CYTH3: variants seen among roughly 807,000 people sequenced by gnomAD.
The protein encoded by CYTH3 is cytohesin 3, also known as cytohesin-3.
In CYTH3, 23 loss-of-function variants were observed where a neutral mutation model predicts 55.1. The observed-to-expected ratio is 0.42, with a 90% CI of 0.30 to 0.59. The LOEUF is 0.59. Ranked by LOEUF, CYTH3 falls within the 20% of genes least tolerant of loss-of-function variation. CYTH3 has a pLI of 0.20. For synonymous variants in CYTH3, 249 were observed against 194.9 expected (o/e 1.28, Z -2.31); for missense variants, 413 against 524.8 (o/e 0.79, Z 2.08).
At chr7:6,259,180 G>C (rs1472809017) in intron 1 of CYTH3, among the ~76,000 whole-genome samples, 1 of 152,150 alleles carries the variant, frequency 6.6e-6, no homozygotes. Context: ...CAAACATCTG[G>C]ATGAAAACTT....
intron 1 of CYTH3, among the ~76,000 whole-genome samples, chr7:6,214,424 G>A (rs1264223972): frequency 6.6e-6 from 1 of 152,088 alleles, no homozygotes; most frequent in East Asian, 1.9e-4. Context: ...TTGTGTATAA[G>A]GAATGCTTTA....
At chr7:6,235,550 T>A (rs1384101428) in intron 1 of CYTH3, among the ~76,000 whole-genome samples, 1 of 151,356 alleles carries the variant, frequency 6.6e-6, no homozygotes, top group East Asian at 1.9e-4. Context: ...CACAGCATCC[T>A]CACGAAGCTC....
At chr7:6,175,427 T>A (rs1458554626) in intron 5 of CYTH3, among the ~76,000 whole-genome samples, 5 of 152,212 alleles carry the variant, frequency 3.3e-5, no homozygotes, top group East Asian at 1.9e-4. Context: ...TGGTACCTGG[T>A]TGAAAAATTA....
At chr7:6,262,448 C>T (rs138454573) in intron 1 of CYTH3, among the ~76,000 whole-genome samples, 37 of 152,282 alleles carry the variant, frequency 2.4e-4, no homozygotes, top group African/African-American at 8.9e-4. Flanking sequence ...CCAAAGAGAA[C>T]ATCTTAAAAG....
At chr7:6,216,401 C>G (rs1048005747) in intron 1 of CYTH3, among the ~76,000 whole-genome samples, 1 of 151,834 alleles carries the variant, frequency 6.6e-6, no homozygotes, top group Admixed American at 6.6e-5. Flanking sequence ...AAACATACAC[C>G]TAGAGCAACC....
intron 1 of CYTH3, among the ~76,000 whole-genome samples, chr7:6,205,876 A>T (rs1038953205): frequency 1.4e-5 from 1 of 69,524 alleles, no homozygotes; most frequent in Admixed American, 1.6e-4. Flanking sequence ...CCTATCTCTT[A>T]AAAAAAAAAA....
chr7:6,251,078 C>T (rs1195254203), intron 1 of CYTH3, among the ~76,000 whole-genome samples: 1 of 152,154 alleles, frequency 6.6e-6, no homozygotes, highest in Non-Finnish European at 1.5e-5. Flanking sequence ...AGTTCAAGAC[C>T]AGCCTGGCCA....
At chr7:6,218,187 G>C (rs1400387787) in intron 1 of CYTH3, among the ~76,000 whole-genome samples, 2 of 152,038 alleles carry the variant, frequency 1.3e-5, no homozygotes, top group Non-Finnish European at 1.5e-5. Flanking sequence ...AAAAAGAAAA[G>C]AAAAAGCATC....
chr7:6,246,982 A>T (rs1027708955), intron 1 of CYTH3, among the ~76,000 whole-genome samples: 1 of 152,182 alleles, frequency 6.6e-6, no homozygotes, highest in African/African-American at 2.4e-5. Context: ...GTTTAAGAAA[A>T]ATTTACAGAA....
At chr7:6,172,842 C>A in intron 6 of CYTH3, 1 of 1,278,406 alleles carries the variant, frequency 7.8e-7, no homozygotes, top group Non-Finnish European at 1.0e-6. Flanking sequence ...CTGTTCAGCC[C>A]CAGGCTGCGC....
intron 1 of CYTH3, among the ~76,000 whole-genome samples, chr7:6,239,571 A>G (rs1779619678): frequency 6.6e-6 from 1 of 152,244 alleles, no homozygotes; most frequent in Admixed American, 6.5e-5. Flanking sequence ...AAAAGAGGAG[A>G]TAAAACCATC....
intron 1 of CYTH3, among the ~76,000 whole-genome samples, chr7:6,259,799 A>ATATATATATATAT (rs1780282840): frequency 8.0e-5 from 2 of 24,978 alleles, no homozygotes; most frequent in Admixed American, 6.8e-4. Flanking sequence ...ATATATATAT[A>ATATATATATATAT]TATATATATA....
chr7:6,168,777 T>A (rs981909221), intron 9 of CYTH3, among the ~76,000 whole-genome samples: 1 of 152,244 alleles, frequency 6.6e-6, no homozygotes, highest in African/African-American at 2.4e-5. Flanking sequence ...ATTCACACAC[T>A]TACGTCTCTA....
Position 6,165,143 on chromosome 7 carries a change from C to T in CYTH3, c.1128-127G>A, listed in dbSNP as rs1782951284. On this transcript the variant is annotated intron_variant, in intron 12 of 12. Coordinates refer to ENST00000350796, the MANE Select transcript of CYTH3 (RefSeq NM_004227.4). ...GATCTGAACGTCGGCTTTGGCAGCC[C>T]GGCCCTCTGGGGTTTCTGGAGACAG... 1.3e-5 allele frequency: 21 copies of T among 1,557,928 alleles called. No individual in the cohort carries two copies. The Middle Eastern group carries it at 7.4e-4, about 55-fold the overall frequency.
intron 1 of CYTH3, among the ~76,000 whole-genome samples, chr7:6,267,079 C>T (rs1035899560): frequency 1.3e-5 from 2 of 152,192 alleles, no homozygotes; most frequent in Admixed American, 1.3e-4. Flanking sequence ...GGCGTGGCAT[C>T]TCTTCCCTCT....
chr7:6,205,239 T>A (rs1389566570), intron 1 of CYTH3, among the ~76,000 whole-genome samples: 1 of 152,018 alleles, frequency 6.6e-6, no homozygotes, highest in Non-Finnish European at 1.5e-5. Flanking sequence ...CAATTCTAAA[T>A]AAATCATTGG....
intron 1 of CYTH3, among the ~76,000 whole-genome samples, chr7:6,223,972 C>A (rs1409122397): frequency 6.6e-6 from 1 of 150,584 alleles, no homozygotes; most frequent in African/African-American, 2.4e-5. Context: ...GATGCTAATA[C>A]TGTCTTTTCT....
intron 1 of CYTH3, 102 bp downstream of exon 1, chr7:6,272,371 CG>C: frequency 8.9e-7 from 1 of 1,120,966 alleles, no homozygotes; most frequent in Non-Finnish European, 1.1e-6. Context: ...CCCCCGACCC[CG>C]TCTCCTCCGG....
rs1014210767 is a variant in CYTH3, at chr7:6,163,242, C to T, written c.*1702G>A. ...CCGCTCGGCCTCCACTTCAAGGCAACTCAAAGAACAGTCTCCGCTGCTGAG... is the reference window on the plus strand; with the variant it reads ...CCGCTCGGCCTCCACTTCAAGGCAATTCAAAGAACAGTCTCCGCTGCTGAG... On this transcript the variant is annotated 3_prime_UTR_variant, in exon 13 of 13. Coordinates refer to ENST00000350796, the MANE Select transcript of CYTH3 (RefSeq NM_004227.4). 6.6e-6 allele frequency: 1 copy of T among 152,438 alleles called. No individual in the cohort carries two copies. Among genetic ancestry groups the T allele is most frequent in the Non-Finnish European group, 1.5e-5 (1 of 68,128 alleles). 9.4% of individuals were successfully genotyped at this position (152,438 alleles called of 1,614,324 possible).
Sources: allele counts gnomAD v4.1 joint callset (sites outside exome capture counted in the v4.1 genomes callset), GRCh38; gene constraint gnomAD v4.1.1; transcripts MANE v1.5; gene names NCBI Gene and HGNC (gene_info 2026-07-23, HGNC 2026-07-21).